Variants in SLC25A28 observed in about 807,000 individuals in gnomAD.
SLC25A28 encodes the protein mitoferrin-2.
SLC25A28 carries 10 observed loss-of-function variants against 31.9 expected under a neutral mutation model. That is an observed-to-expected ratio of 0.31 (90% CI 0.19 to 0.53). SLC25A28 has a LOEUF of 0.53. Among genes scored for constraint, SLC25A28 ranks in the 20% least tolerant of loss-of-function variants. The pLI is 0.95. For synonymous variants in SLC25A28, 208 were observed against 203.6 expected, an observed-to-expected ratio of 1.02 and a Z score of -0.19; for missense variants, 256 against 490.3, an observed-to-expected ratio of 0.52 and a Z score of 4.51.
chr10:99,616,168 G>A, intron 1 of SLC25A28: 1 of 985,344 alleles, frequency 1.0e-6, no homozygotes, highest in Non-Finnish European at 1.2e-6. Flanking sequence ...CTTCTACCTG[G>A]CTTTGGAGAA....
chr10:99,624,599 CCG>C (rs2034850804), upstream of SLC25A28, among the ~76,000 whole-genome samples: 1 of 152,172 alleles, frequency 6.6e-6, no homozygotes, highest in Non-Finnish European at 1.5e-5. Context: ...CTTTGGGAGA[CCG>C]AGGCAGGTAG....
In SLC25A28 at chr10:99,620,340, C is replaced by T; in HGVS notation, c.-5G>A. 1 of 1,140,124 alleles carries T rather than the reference C, an allele frequency of 8.8e-7. No homozygotes were observed. Among genetic ancestry groups the T allele is most frequent in the Middle Eastern group, 3.7e-4 (1 of 2,720 alleles). The allele number at this position is 1,140,124 out of a possible 1,614,324, so 70.6% of individuals were successfully genotyped here. A position where few individuals can be genotyped will look rare whatever the true frequency, so the allele number is the denominator to read the frequency against. On this transcript the variant is annotated 5_prime_UTR_variant, in exon 1 of 4. Transcript: ENST00000370495. ...ACCCCGCCCCTCCAACTCCATCCAC[C>T]CGGGCCAGCTGCGGCGCCCACCCCC...
the SLC25A28 span, among the ~76,000 whole-genome samples, chr10:99,626,790 T>A: frequency 6.6e-6 from 1 of 152,148 alleles, no homozygotes; most frequent in African/African-American, 2.4e-5. Flanking sequence ...GTGTTTTTTT[T>A]TTTTTAATTT....
At chr10:99,612,517 A>G (rs778487847) in intron 3 of SLC25A28, 26 bp downstream of exon 3, 25 of 1,612,790 alleles carry the variant, frequency 1.6e-5, no homozygotes, top group Non-Finnish European at 2.1e-5. Flanking sequence ...AGCTGCCCAC[A>G]GAGTGATAGG....
the SLC25A28 span, among the ~76,000 whole-genome samples, chr10:99,651,589 C>CTTTTATTTTTT: frequency 2.3e-5 from 1 of 43,154 alleles, no homozygotes; most frequent in Non-Finnish European, 5.2e-5. Context: ...TTGCCTTTTT[C>CTTTTATTTTTT]TTTTCTTTTT....
upstream of SLC25A28, chr10:99,620,763 TG>T: frequency 1.0e-6 from 1 of 985,424 alleles, no homozygotes; most frequent in Non-Finnish European, 1.2e-6. Context: ...CCGCGGCCAT[TG>T]GCCCGCACCA....
At chr10:99,647,280 A>G in the SLC25A28 span, among the ~76,000 whole-genome samples, 1 of 152,228 alleles carries the variant, frequency 6.6e-6, no homozygotes, top group South Asian at 2.1e-4. Context: ...ATGCCTACCA[A>G]CAAAGTATAA....
chr10:99,635,688 A>AAG, the SLC25A28 span, among the ~76,000 whole-genome samples: 1 of 151,634 alleles, frequency 6.6e-6, no homozygotes, highest in Middle Eastern at 3.4e-3. Context: ...AAAAAAAAAA[A>AAG]GAGCTCACCA....
chr10:99,621,103 G>C (rs1306592947), upstream of SLC25A28: 9 of 555,566 alleles, frequency 1.6e-5, no homozygotes, highest in Non-Finnish European at 2.1e-5. Context: ...CAGCCTGTCC[G>C]GGAAGCCGTT....
chr10:99,640,080 A>G, the SLC25A28 span, among the ~76,000 whole-genome samples: 16 of 152,372 alleles, frequency 1.1e-4, no homozygotes, highest in African/African-American at 3.4e-4. Flanking sequence ...GACAGCCAGC[A>G]TTTATGAGCG....
the SLC25A28 span, among the ~76,000 whole-genome samples, chr10:99,638,922 C>T: frequency 2.0e-5 from 3 of 152,122 alleles, no homozygotes; most frequent in East Asian, 5.8e-4. Flanking sequence ...CTTGATCCAG[C>T]AATCCCACTA....
the SLC25A28 span, among the ~76,000 whole-genome samples, chr10:99,636,789 G>A: frequency 2.6e-5 from 4 of 152,036 alleles, no homozygotes; most frequent in South Asian, 2.1e-4. Flanking sequence ...AGATTGAAAC[G>A]GTAATTTAAA....
chr10:99,637,747 G>A, the SLC25A28 span, among the ~76,000 whole-genome samples: 7 of 152,060 alleles, frequency 4.6e-5, no homozygotes, highest in African/African-American at 1.4e-4. Context: ...CTAAGGAGGC[G>A]AAAGACCTCT....
At chr10:99,612,009 C>T (rs1191345130) in intron 3 of SLC25A28, among the ~76,000 whole-genome samples, 1 of 152,202 alleles carries the variant, frequency 6.6e-6, no homozygotes, top group African/African-American at 2.4e-5. Flanking sequence ...AATGCTATCC[C>T]TTCATATTTG....
the SLC25A28 span, among the ~76,000 whole-genome samples, chr10:99,636,970 A>G: frequency 7.9e-4 from 121 of 152,284 alleles, no homozygotes; most frequent in African/African-American, 2.8e-3. Flanking sequence ...TACTAAAACC[A>G]GGAAAGGATG....
chr10:99,630,290 G>A, the SLC25A28 span, among the ~76,000 whole-genome samples: 3 of 151,858 alleles, frequency 2.0e-5, no homozygotes, highest in Non-Finnish European at 2.9e-5. Context: ...CACCACCCCC[G>A]GCAAATTTTT....
At chr10:99,625,850 G>A in the SLC25A28 span, among the ~76,000 whole-genome samples, 1 of 152,226 alleles carries the variant, frequency 6.6e-6, no homozygotes, top group Non-Finnish European at 1.5e-5. Flanking sequence ...ATGAGGACAA[G>A]GCCTGTACTT....
the SLC25A28 span, among the ~76,000 whole-genome samples, chr10:99,637,716 A>C: frequency 2.6e-5 from 4 of 152,170 alleles, no homozygotes; most frequent in Admixed American, 6.6e-5. Context: ...AACAAACAAA[A>C]AAACTTAGGA....
upstream of SLC25A28, among the ~76,000 whole-genome samples, chr10:99,624,176 C>CT (rs906920323): frequency 6.1e-5 from 9 of 146,554 alleles, no homozygotes; most frequent in Admixed American, 4.9e-4. Flanking sequence ...TCCTTCCTTC[C>CT]TTTTTTTCTT....
Sources: allele counts gnomAD v4.1 joint callset (sites outside exome capture counted in the v4.1 genomes callset), GRCh38; gene constraint gnomAD v4.1.1; transcripts MANE v1.5; gene names NCBI Gene and HGNC (gene_info 2026-07-23, HGNC 2026-07-21).